UNC13C: variants seen among roughly 807,000 people sequenced by gnomAD.
UNC13C encodes the protein protein unc-13 homolog C.
A neutral mutation model predicts 245.4 loss-of-function variants in UNC13C; 174 were observed. That is an observed-to-expected ratio of 0.71 (90% CI 0.63 to 0.80). UNC13C has a LOEUF of 0.80. UNC13C is among the 30% of genes least tolerant of loss of function. UNC13C has a pLI of 0.00. For missense variants in UNC13C, 2,829 were observed against 2,602.9 expected (o/e 1.09, Z -1.89); for synonymous variants, 992 against 895.1 (o/e 1.11, Z -1.93).
chr15:53,871,361 AC>A, the UNC13C span, among the ~76,000 whole-genome samples: 1 of 151,994 alleles, frequency 6.6e-6, no homozygotes, highest in African/African-American at 2.4e-5. Flanking sequence ...CCCCTGACTA[AC>A]TTCTCCTTCT....
intron 30 of UNC13C, among the ~76,000 whole-genome samples, chr15:54,592,992 AGTGAT>A (rs1265302765): frequency 6.6e-6 from 1 of 151,506 alleles, no homozygotes; most frequent in African/African-American, 2.4e-5. Context: ...CAGTTCTTGT[AGTGAT>A]GGCTTGGTAA....
chr15:54,526,797 C>G (rs571585508), intron 25 of UNC13C, among the ~76,000 whole-genome samples: 85 of 151,030 alleles, frequency 5.6e-4, no homozygotes, highest in African/African-American at 2.0e-3. Flanking sequence ...CTATCTCTGG[C>G]CACCACTCAT....
At chr15:54,050,134 T>C (rs1216390242) in intron 2 of UNC13C, 3 of 355,948 alleles carry the variant, frequency 8.4e-6, no homozygotes, top group Non-Finnish European at 1.7e-5. Context: ...CACGCCCGGC[T>C]ATTTTTTTGT....
At chr15:54,399,567 A>G (rs753049425) in intron 18 of UNC13C, among the ~76,000 whole-genome samples, 3 of 151,848 alleles carry the variant, frequency 2.0e-5, no homozygotes, top group African/African-American at 4.8e-5. Flanking sequence ...GTTTTCTCCA[A>G]AAATATACAT....
the UNC13C span, among the ~76,000 whole-genome samples, chr15:53,880,696 CTT>C: frequency 7.1e-6 from 1 of 141,388 alleles, no homozygotes; most frequent in Non-Finnish European, 1.5e-5. Flanking sequence ...GCTTTGTCAT[CTT>C]TTTTTTTTTT....
intron 4 of UNC13C, among the ~76,000 whole-genome samples, chr15:54,156,682 A>G (rs1313041867): frequency 6.6e-6 from 1 of 151,826 alleles, no homozygotes; most frequent in African/African-American, 2.4e-5. Flanking sequence ...CCAGTGTGAC[A>G]TCTGCAAAAT....
chr15:54,460,798 A>G (rs1399574987), intron 19 of UNC13C, among the ~76,000 whole-genome samples: 1 of 152,170 alleles, frequency 6.6e-6, no homozygotes, highest in Non-Finnish European at 1.5e-5. Flanking sequence ...CACAAAATGA[A>G]TCTCCACACA....
intron 19 of UNC13C, among the ~76,000 whole-genome samples, chr15:54,447,449 AG>A (rs1390287929): frequency 1.3e-5 from 2 of 152,062 alleles, no homozygotes; most frequent in African/African-American, 4.8e-5. Context: ...TCAATTTCAG[AG>A]CCTGTTATTG....
intron 2 of UNC13C, chr15:54,049,440 C>T: frequency 2.2e-6 from 1 of 464,796 alleles, no homozygotes; most frequent in Non-Finnish European, 4.3e-6. Flanking sequence ...TTGTGGAGAC[C>T]ACATAACATT....
chr15:54,622,567 G>T (rs1900863165), intron 31 of UNC13C, 148 bp downstream of exon 31: 1 of 579,282 alleles, frequency 1.7e-6, no homozygotes, highest in Non-Finnish European at 3.0e-6. Context: ...CCAAACTTTT[G>T]ATTAAAAATA....
chr15:54,583,087 A>G (rs192154078), intron 30 of UNC13C, among the ~76,000 whole-genome samples: 2 of 152,244 alleles, frequency 1.3e-5, no homozygotes, highest in Admixed American at 6.5e-5. Flanking sequence ...GCTCTCAGGC[A>G]CAACTGATGG....
At chr15:54,614,443 T>C (rs1339967461) in intron 30 of UNC13C, among the ~76,000 whole-genome samples, 1 of 152,032 alleles carries the variant, frequency 6.6e-6, no homozygotes, top group Non-Finnish European at 1.5e-5. Flanking sequence ...AACTTTCCCC[T>C]GTAGCTGTTA....
At chr15:54,194,677 C>CT (rs1245387427) in intron 4 of UNC13C, among the ~76,000 whole-genome samples, 1 of 152,030 alleles carries the variant, frequency 6.6e-6, no homozygotes, top group Non-Finnish European at 1.5e-5. Flanking sequence ...TGAAGTAGGA[C>CT]TCAGGAGTGG....
intron 18 of UNC13C, 76 bp from the exon 19 acceptor site, chr15:54,414,906 A>C: frequency 1.2e-6 from 1 of 868,212 alleles, no homozygotes. Flanking sequence ...ACTGTGGTAT[A>C]TATGTAAAAT....
chr15:54,083,721 G>A (rs992429811), intron 2 of UNC13C, among the ~76,000 whole-genome samples: 6 of 152,116 alleles, frequency 3.9e-5, no homozygotes, highest in Admixed American at 1.3e-4. Context: ...TACACCAAGG[G>A]TTAGATCTCT....
chr15:54,013,942 G>C lies in UNC13C; in HGVS notation c.1039G>C (p.Gly347Arg), dbSNP rs777919053. The C allele has an allele frequency of 6.2e-7, 1 of 1,613,186 alleles. No individual in the cohort carries two copies. Residue 347 changes from glycine (G) to arginine (R), a missense_variant, in exon 2 of 33, where the codon GGT becomes CGT. Physicochemically the swap from Gly to Arg is moderately radical, Grantham distance 125 (BLOSUM62 -2). Transcript: ENST00000260323. The part of the protein sequence containing the change: ...VVYQILIDKM[G>R]FSDAPNAIKI... ...GTACCAAATTCTAATAGATAAAATG[G>C]GTTTTTCAGATGCACCAAATGCTAT...
chr15:54,430,895 A>G (rs1210229674), intron 19 of UNC13C, among the ~76,000 whole-genome samples: 2 of 151,718 alleles, frequency 1.3e-5, no homozygotes, highest in Non-Finnish European at 3.0e-5. Context: ...GGGTTTGAAC[A>G]AATCTTGCCT....
intron 26 of UNC13C, among the ~76,000 whole-genome samples, chr15:54,535,806 G>T (rs895178019): frequency 3.9e-5 from 6 of 151,906 alleles, no homozygotes; most frequent in African/African-American, 1.4e-4. Flanking sequence ...TAAAAGAAAA[G>T]GTATAACATA....
intron 28 of UNC13C, among the ~76,000 whole-genome samples, chr15:54,552,781 A>ATATAATATATAT (rs1896869913): frequency 1.1e-5 from 1 of 94,662 alleles, no homozygotes; most frequent in African/African-American, 4.4e-5. Context: ...ACAATATATA[A>ATATAATATATAT]TATAATATAT....
Sources: allele counts gnomAD v4.1 joint callset (sites outside exome capture counted in the v4.1 genomes callset), GRCh38; gene constraint gnomAD v4.1.1; transcripts MANE v1.5; gene names NCBI Gene and HGNC (gene_info 2026-07-23, HGNC 2026-07-21).